NRXN1: variants seen among roughly 807,000 people sequenced by gnomAD.
NRXN1 encodes neurexin-1.
In NRXN1, 39 loss-of-function variants were observed where a neutral mutation model predicts 150.9. That is an observed-to-expected ratio of 0.26 (90% CI 0.20 to 0.34). The LOEUF (loss-of-function observed/expected upper bound fraction) is 0.34, where lower values mean the gene tolerates loss of function less well. Ranked by LOEUF, NRXN1 falls within the 10% of genes least tolerant of loss-of-function variation. NRXN1 has a pLI of 1.00. For missense variants in NRXN1, 1,815 were observed against 1,949.9 expected (o/e 0.93, Z 1.30); for synonymous variants, 924 against 757.0 (o/e 1.22, Z -3.62).
chr2:50,367,707 A>G (rs76419762), intron 17 of NRXN1, among the ~76,000 whole-genome samples: 5,294 of 152,102 alleles, frequency 0.035, 237 homozygotes, highest in East Asian at 0.12. Flanking sequence ...CTGGAGCTGA[A>G]TGAGTATTCT....
chr2:51,028,310 C>A lies in NRXN1; in HGVS notation c.-37G>T. On this transcript the variant is annotated 5_prime_UTR_variant, in exon 2 of 23. Coordinates refer to ENST00000401669, the MANE Select transcript of NRXN1 (RefSeq NM_001330078.2). ...GGGTGCGGCGGGGGGGTGCCGGGGC[C>A]GACAGGGTCAAAATGGTCCTGGACA... The A allele has an allele frequency of 1.5e-6, 2 of 1,371,144 alleles. No individual in the cohort carries two copies. The highest frequency in any genetic ancestry group is 1.9e-6 in the Non-Finnish European group (2 of 1,048,584). 84.9% of individuals were successfully genotyped at this position (1,371,144 alleles called of 1,614,324 possible).
chr2:50,829,375 G>A (rs557397240), intron 5 of NRXN1: 51 of 1,025,346 alleles, frequency 5.0e-5, no homozygotes, highest in Non-Finnish European at 6.5e-5. Context: ...TGATCCGCCC[G>A]CCTCGGGCTC....
At chr2:51,011,533 T>C (rs935875883) in intron 2 of NRXN1, among the ~76,000 whole-genome samples, 11 of 151,978 alleles carry the variant, frequency 7.2e-5, no homozygotes, top group Non-Finnish European at 1.5e-4. Context: ...AGATGGGTTT[T>C]AAATGATGGG....
At chr2:50,463,441 T>A (rs562286782) in intron 17 of NRXN1, among the ~76,000 whole-genome samples, 12 of 151,926 alleles carry the variant, frequency 7.9e-5, no homozygotes, top group African/African-American at 2.6e-4. Context: ...AATGATTTAA[T>A]CAAAATGCAT....
chr2:50,006,688 G>A (rs1684823987), intron 21 of NRXN1, among the ~76,000 whole-genome samples: 1 of 152,112 alleles, frequency 6.6e-6, no homozygotes, highest in Non-Finnish European at 1.5e-5. Flanking sequence ...TGTCAAGAAT[G>A]TAATTTTAGA....
intron 5 of NRXN1, among the ~76,000 whole-genome samples, chr2:50,816,114 T>C (rs887948518): frequency 3.9e-5 from 6 of 152,210 alleles, no homozygotes; most frequent in Non-Finnish European, 8.8e-5. Context: ...TGTATCTTTT[T>C]GTTGTCTAAG....
chr2:50,456,728 T>C (rs1176468186), intron 17 of NRXN1, among the ~76,000 whole-genome samples: 2 of 152,098 alleles, frequency 1.3e-5, no homozygotes, highest in African/African-American at 4.8e-5. Context: ...TGAGGGGCCC[T>C]TGGTCTTCAC....
chr2:50,265,992 ATTATTATTTAT>A lies in NRXN1; in HGVS notation c.3365-29033_3365-29023del, dbSNP rs1354381124. Among the ~76,000 whole-genome samples, 330 of 88,756 alleles carry A rather than the reference ATTATTATTTAT, an allele frequency of 3.7e-3. 1 individual carries two copies. Among genetic ancestry groups the A allele is most frequent in the African/African-American group, 0.015 (241 of 16,056 alleles). 58.2% of individuals were successfully genotyped at this position (88,756 alleles called of 152,430 possible). Reference sequence around the variant, plus strand: ...TATTATTATTATTATTATTATTATTATTATTATTTATTTTTTTTTTTTTTGAGATAGAGTCT... The same window carrying A: ...TATTATTATTATTATTATTATTATTATTTTTTTTTTTTTGAGATAGAGTCT... On this transcript the variant is annotated intron_variant, in intron 17 of 22. Transcript: ENST00000401669.
intron 5 of NRXN1, among the ~76,000 whole-genome samples, chr2:50,857,896 G>A (rs1574726795): frequency 6.6e-6 from 1 of 152,062 alleles, no homozygotes; most frequent in Non-Finnish European, 1.5e-5. Flanking sequence ...GTACTGGCTG[G>A]TGACAGCTTA....
chr2:50,352,769 ATAATAATAT>A lies in NRXN1; in HGVS notation c.3364+112664_3364+112672del, dbSNP rs142804226. ...AAGAGCATTGATAATAATAATAATA[ATAATAATAT>A]TATAATAATAATAATAATAATAATA... On this transcript the variant is annotated intron_variant, in intron 17 of 22. Transcript: ENST00000401669. 5.2e-3 allele frequency among the ~76,000 whole-genome samples: 539 copies of A among 102,728 alleles called. 5 individuals are homozygous for A. The highest frequency in any genetic ancestry group is 0.012 in the East Asian group (38 of 3,172). The allele number at this position is 102,728 out of a possible 152,430, so 67.4% of individuals were successfully genotyped here.
chr2:49,968,303 C>T (rs545028660), intron 21 of NRXN1, among the ~76,000 whole-genome samples: 3 of 152,168 alleles, frequency 2.0e-5, no homozygotes, highest in East Asian at 1.9e-4. Flanking sequence ...AAGAAAAACA[C>T]TTAGCAACAA....
At position 50,680,274 on chromosome 2, in the gene NRXN1, ACT is replaced by A. The variant is rs1170352902; in HGVS notation, c.833-56661_833-56660del. Among the ~76,000 whole-genome samples, 6 of 152,190 alleles carry A rather than the reference ACT, an allele frequency of 3.9e-5. No individual in the cohort carries two copies. In the East Asian group the frequency reaches 5.8e-4, roughly 15 times the overall value. ...TGAATTAACCTAAGTAAAAAATAAC[ACT>A]GTTTCTTCTGAATTTATTTTGATTT... is the stretch of plus-strand genomic sequence containing the variant. On this transcript the variant is annotated intron_variant, in intron 5 of 22. Transcript: ENST00000401669.
In NRXN1 at chr2:50,496,109, G is replaced by C. The variant is rs77308033; in HGVS notation, c.2880-14C>G. ...TAATGTAAGTACCTGGGAAAAAAATGAAAGAGGGGAAAGTGCCATCACTTT... is the reference window on the plus strand; with the variant it reads ...TAATGTAAGTACCTGGGAAAAAAATCAAAGAGGGGAAAGTGCCATCACTTT... On this transcript the variant is annotated splice_polypyrimidine_tract_variant and intron_variant, in intron 14 of 22. Transcript: ENST00000401669. 1 of 1,567,020 alleles carries C rather than the reference G, an allele frequency of 6.4e-7. No individual in the cohort carries two copies. Among genetic ancestry groups the C allele is most frequent in the Non-Finnish European group, 8.7e-7 (1 of 1,152,916 alleles).
chr2:50,515,085 A>G (rs937119958), intron 12 of NRXN1, among the ~76,000 whole-genome samples: 1 of 152,190 alleles, frequency 6.6e-6, no homozygotes, highest in Non-Finnish European at 1.5e-5. Flanking sequence ...ATCTGTATTT[A>G]CAGCCGCTCT....
chr2:50,267,035 G>A lies in NRXN1; in HGVS notation c.3365-30065C>T, dbSNP rs143493523. On this transcript the variant is annotated intron_variant, in intron 17 of 22. Coordinates refer to ENST00000401669, the MANE Select transcript of NRXN1 (RefSeq NM_001330078.2). Reference sequence around the variant, plus strand: ...TATGATCATGCCTCAGAAAAGAACTGCCAGAGCAATCCCTTGTATAGGCTA... The same window carrying A: ...TATGATCATGCCTCAGAAAAGAACTACCAGAGCAATCCCTTGTATAGGCTA... Among the ~76,000 whole-genome samples, 34 of 152,276 alleles carry A rather than the reference G, an allele frequency of 2.2e-4. No individual in the cohort carries two copies. The East Asian group carries it at 5.0e-3, about 22-fold the overall frequency.
chr2:50,328,176 G>A (rs1277544271), intron 17 of NRXN1, among the ~76,000 whole-genome samples: 2 of 151,874 alleles, frequency 1.3e-5, no homozygotes, highest in Non-Finnish European at 2.9e-5. Context: ...ACACACATTC[G>A]TAAACTTCCT....
At chr2:50,349,702 T>C (rs1309363842) in intron 17 of NRXN1, among the ~76,000 whole-genome samples, 1 of 152,230 alleles carries the variant, frequency 6.6e-6, no homozygotes, top group Non-Finnish European at 1.5e-5. Flanking sequence ...CAATATTTAA[T>C]GTTGGTGTTC....
intron 10 of NRXN1, among the ~76,000 whole-genome samples, chr2:50,532,566 T>G (rs762752461): frequency 4.6e-5 from 7 of 152,120 alleles, no homozygotes; most frequent in Admixed American, 4.6e-4. Context: ...GGGGAGTAAC[T>G]TTAAATATTA....
intron 2 of NRXN1, among the ~76,000 whole-genome samples, chr2:50,929,421 A>C (rs771297565): frequency 1.3e-5 from 2 of 152,068 alleles, no homozygotes; most frequent in African/African-American, 4.8e-5. Context: ...AACTTACATT[A>C]AAAAATGACC....
Sources: allele counts gnomAD v4.1 joint callset (sites outside exome capture counted in the v4.1 genomes callset), GRCh38; gene constraint gnomAD v4.1.1; transcripts MANE v1.5; gene names NCBI Gene and HGNC (gene_info 2026-07-23, HGNC 2026-07-21).